The following CMBL variants were observed in gnomAD, a reference collection of about 807,000 sequenced individuals.
CMBL encodes the protein carboxymethylenebutenolidase homolog (Pseudomonas).
A neutral mutation model predicts 28.7 loss-of-function variants in CMBL; 17 were observed. The observed-to-expected ratio is 0.59, with a 90% CI of 0.41 to 0.89. CMBL has a LOEUF of 0.89. Ranked by LOEUF, CMBL falls within the 40% of genes least tolerant of loss-of-function variation. CMBL has a pLI of 0.00. For missense variants in CMBL, 310 were observed against 298.5 expected (o/e 1.04, Z -0.28); for synonymous variants, 106 against 101.6 (o/e 1.04, Z -0.26).
chr5:10,287,643 C>A (rs116339752), intron 3 of CMBL, among the ~76,000 whole-genome samples: 3,271 of 152,184 alleles, frequency 0.021, 113 homozygotes, highest in African/African-American at 0.073. Context: ...ATGCTATCCC[C>A]GCTGGGTGCA....
At chr5:10,285,823 G>A (rs147399069) in intron 4 of CMBL, among the ~76,000 whole-genome samples, 31 of 149,516 alleles carry the variant, frequency 2.1e-4, no homozygotes, top group Admixed American at 2.7e-4. Flanking sequence ...CTCAGCCTCC[G>A]GAGTAGCTAG....
At position 10,280,308 on chromosome 5, in the gene CMBL, C is replaced by T; in HGVS notation, c.*145G>A. 3.3e-6 allele frequency: 2 copies of T among 597,924 alleles called. No homozygotes were observed. The highest frequency in any genetic ancestry group is 5.6e-6 in the Non-Finnish European group (2 of 356,708). 37.0% of individuals were successfully genotyped at this position (597,924 alleles called of 1,614,324 possible). On this transcript the variant is annotated 3_prime_UTR_variant, in exon 6 of 6. Transcript: ENST00000296658. ...AAATTATTTCATGCATTACGTCCTA[C>T]TGAATTTGTGTTTCAAATGAAATAA... is the stretch of plus-strand genomic sequence containing the variant.
intron 3 of CMBL, among the ~76,000 whole-genome samples, chr5:10,287,869 C>T (rs1454665113): frequency 1.3e-5 from 2 of 151,668 alleles, no homozygotes; most frequent in Admixed American, 1.3e-4. Context: ...CGTCATGACA[C>T]CCAGCTAAGT....
chr5:10,297,635 C>CA (rs1746831668), intron 1 of CMBL, among the ~76,000 whole-genome samples: 1 of 146,374 alleles, frequency 6.8e-6, no homozygotes, highest in South Asian at 2.2e-4. Flanking sequence ...AGGGATGAGC[C>CA]TTTTTTTTTT....
At chr5:10,291,593 G>A (rs10060918) in intron 1 of CMBL, among the ~76,000 whole-genome samples, 35,933 of 150,512 alleles carry the variant, frequency 0.24, 6,133 homozygotes, top group African/African-American at 0.49. Flanking sequence ...CCCGGGAGGC[G>A]GAGCTTGCAG....
chr5:10,294,532 C>G (rs1182980747), intron 1 of CMBL, among the ~76,000 whole-genome samples: 1 of 151,764 alleles, frequency 6.6e-6, no homozygotes, highest in Admixed American at 6.6e-5. Context: ...CCATGGCACT[C>G]CAGCCTGGAT....
intron 1 of CMBL, among the ~76,000 whole-genome samples, chr5:10,298,042 T>C (rs1192648926): frequency 7.0e-6 from 1 of 142,148 alleles, no homozygotes; most frequent in Non-Finnish European, 1.5e-5. Flanking sequence ...GGTCCAGCAG[T>C]GGGAACAGGC....
intron 1 of CMBL, among the ~76,000 whole-genome samples, chr5:10,305,126 C>T (rs1448513288): frequency 6.6e-6 from 1 of 152,180 alleles, no homozygotes; most frequent in Non-Finnish European, 1.5e-5. Flanking sequence ...ACCTTCTGGT[C>T]ATCCCCAGGT....
chr5:10,294,530 C>A (rs186157226), intron 1 of CMBL, among the ~76,000 whole-genome samples: 93 of 151,686 alleles, frequency 6.1e-4, no homozygotes, highest in Non-Finnish European at 1.1e-3. Context: ...TGCCATGGCA[C>A]TCCAGCCTGG....
intron 1 of CMBL, chr5:10,292,061 GC>G: frequency 6.6e-6 from 1 of 152,196 alleles, no homozygotes; most frequent in South Asian, 2.1e-4. Context: ...AAATGAGGCG[GC>G]GAAAGTGGGA....
intron 1 of CMBL, among the ~76,000 whole-genome samples, chr5:10,300,787 G>C (rs960677826): frequency 6.7e-6 from 1 of 150,282 alleles, no homozygotes; most frequent in Admixed American, 6.6e-5. Flanking sequence ...GCAACAAAGA[G>C]AGACATTTTT....
intron 5 of CMBL, among the ~76,000 whole-genome samples, chr5:10,280,927 C>T (rs1746488063): frequency 6.6e-6 from 1 of 152,236 alleles, no homozygotes; most frequent in African/African-American, 2.4e-5. Context: ...GCACCCGCCA[C>T]CATGCCCAGC....
chr5:10,299,413 T>C (rs1156639869), intron 1 of CMBL, among the ~76,000 whole-genome samples: 1 of 152,166 alleles, frequency 6.6e-6, no homozygotes, highest in African/African-American at 2.4e-5. Context: ...AACACAGAGA[T>C]GATGGTACAC....
chr5:10,303,559 G>T (rs1000441777), intron 1 of CMBL, among the ~76,000 whole-genome samples: 1 of 152,202 alleles, frequency 6.6e-6, no homozygotes, highest in Non-Finnish European at 1.5e-5. Flanking sequence ...TAACAGGCTT[G>T]AAGGAAAATC....
intron 5 of CMBL, among the ~76,000 whole-genome samples, chr5:10,281,383 A>C (rs1323348973): frequency 6.6e-6 from 1 of 151,970 alleles, no homozygotes; most frequent in East Asian, 1.9e-4. Context: ...ATCCCAGCTA[A>C]TTTTTTTATA....
chr5:10,298,155 C>A (rs1159646343), intron 1 of CMBL, among the ~76,000 whole-genome samples: 3 of 151,860 alleles, frequency 2.0e-5, no homozygotes, highest in Non-Finnish European at 4.4e-5. Flanking sequence ...AGGGACTGGC[C>A]ATCAATGGGG....
intron 3 of CMBL, among the ~76,000 whole-genome samples, chr5:10,287,805 G>C (rs1231081717): frequency 3.3e-5 from 5 of 151,750 alleles, no homozygotes; most frequent in African/African-American, 9.7e-5. Context: ...CCGTCTCCCA[G>C]GTTCAAGCAA....
chr5:10,287,020 C>T (rs1746617006), intron 3 of CMBL, among the ~76,000 whole-genome samples: 2 of 152,330 alleles, frequency 1.3e-5, no homozygotes, highest in South Asian at 2.1e-4. Flanking sequence ...CTCGTCTCCT[C>T]CCCCTGCCGC....
intron 1 of CMBL, among the ~76,000 whole-genome samples, chr5:10,298,841 C>A (rs765458633): frequency 6.6e-6 from 1 of 152,174 alleles, no homozygotes; most frequent in Non-Finnish European, 1.5e-5. Flanking sequence ...TGCAGTCAGA[C>A]GAGATCGCGC....
Sources: gnomAD v4.1 joint callset for allele counts (sites outside exome capture counted in the v4.1 genomes callset) on GRCh38, gnomAD v4.1.1 for gene constraint, MANE v1.5 for transcripts, NCBI Gene and HGNC (gene_info 2026-07-23, HGNC 2026-07-21) for gene names.